Variants in CIMIP5 observed in about 807,000 individuals in gnomAD.
CIMIP5 encodes ciliary microtubule inner protein 5.
chr2:11,149,591 C>T, the CIMIP5 span, among the ~76,000 whole-genome samples: 2 of 152,050 alleles, frequency 1.3e-5, no homozygotes, highest in Non-Finnish European at 2.9e-5. Flanking sequence ...CCTATAGTCC[C>T]AGCTACTTGG....
the CIMIP5 span, among the ~76,000 whole-genome samples, chr2:11,139,109 G>C: frequency 3.9e-5 from 6 of 151,928 alleles, no homozygotes; most frequent in African/African-American, 1.5e-4. Context: ...GTGGAGACAG[G>C]GTTTCACCAT....
chr2:11,136,716 A>AAGTCATT, the CIMIP5 span, among the ~76,000 whole-genome samples: 2 of 152,214 alleles, frequency 1.3e-5, no homozygotes, highest in Non-Finnish European at 2.9e-5. Context: ...AATATATTAA[A>AAGTCATT]AGTCATTTAA....
the CIMIP5 span, among the ~76,000 whole-genome samples, chr2:11,139,382 G>A: frequency 6.6e-6 from 1 of 152,212 alleles, no homozygotes; most frequent in African/African-American, 2.4e-5. Context: ...GGGCTCAGGG[G>A]CTGTGAGGAT....
chr2:11,143,579 A>G, the CIMIP5 span, among the ~76,000 whole-genome samples: 1 of 152,120 alleles, frequency 6.6e-6, no homozygotes, highest in African/African-American at 2.4e-5. Flanking sequence ...AAAAAAAAAA[A>G]AAAAAATCAA....
the CIMIP5 span, among the ~76,000 whole-genome samples, chr2:11,143,105 C>A: frequency 1.3e-5 from 2 of 152,106 alleles, no homozygotes; most frequent in African/African-American, 4.8e-5. Flanking sequence ...ATAAAAGCCC[C>A]AAACTAGAAT....
the CIMIP5 span, among the ~76,000 whole-genome samples, chr2:11,150,085 T>TA: frequency 2.0e-5 from 3 of 150,528 alleles, no homozygotes; most frequent in Non-Finnish European, 4.4e-5. Flanking sequence ...TAGCTGGGAT[T>TA]ACGGGTGCGT....
chr2:11,133,844 GA>G, the CIMIP5 span, among the ~76,000 whole-genome samples: 7 of 152,292 alleles, frequency 4.6e-5, no homozygotes, highest in African/African-American at 1.4e-4. Context: ...TTCCGACTGC[GA>G]CGCGGCCGGT....
the CIMIP5 span, chr2:11,133,208 C>A: frequency 5.4e-5 from 65 of 1,201,764 alleles, no homozygotes; most frequent in Admixed American, 1.0e-4. Context: ...TGAGGAGGAC[C>A]CTGCCCAGGC....
At chr2:11,154,106 A>G in the CIMIP5 span, among the ~76,000 whole-genome samples, 1 of 152,038 alleles carries the variant, frequency 6.6e-6, no homozygotes, top group East Asian at 1.9e-4. Context: ...CCTCCCGAGT[A>G]GCTGGGACCA....
the CIMIP5 span, among the ~76,000 whole-genome samples, chr2:11,151,476 C>T: frequency 6.6e-6 from 1 of 152,220 alleles, no homozygotes. Flanking sequence ...ACCTAAAGGG[C>T]TCACCTTGCC....
chr2:11,144,896 C>G, the CIMIP5 span: 1 of 151,840 alleles, frequency 6.6e-6, no homozygotes, highest in African/African-American at 2.4e-5. Flanking sequence ...ATCATTGTAG[C>G]CTTGAACTCC....
chr2:11,149,869 C>T, the CIMIP5 span, among the ~76,000 whole-genome samples: 1 of 152,162 alleles, frequency 6.6e-6, no homozygotes, highest in Non-Finnish European at 1.5e-5. Flanking sequence ...TAAATGTTAG[C>T]TAACACCATT....
the CIMIP5 span, chr2:11,143,934 G>C: frequency 6.3e-7 from 1 of 1,592,906 alleles, no homozygotes; most frequent in Admixed American, 1.7e-5. Flanking sequence ...ACAAGAAGGA[G>C]CCTGAGAAGT....
chr2:11,150,087 C>T, the CIMIP5 span, among the ~76,000 whole-genome samples: 6 of 152,120 alleles, frequency 3.9e-5, no homozygotes, highest in East Asian at 1.9e-4. Flanking sequence ...GCTGGGATTA[C>T]GGGTGCGTGC....
At chr2:11,144,561 A>G in the CIMIP5 span, 3 of 153,580 alleles carry the variant, frequency 2.0e-5, no homozygotes, top group Admixed American at 1.3e-4. Flanking sequence ...GCTTAAAACA[A>G]CACAAACGTA....
At chr2:11,135,271 C>T in the CIMIP5 span, among the ~76,000 whole-genome samples, 1 of 152,130 alleles carries the variant, frequency 6.6e-6, no homozygotes, top group African/African-American at 2.4e-5. Context: ...TTTGAGGAAC[C>T]TCCATTGTCT....
chr2:11,144,237 G>A, the CIMIP5 span: 1 of 732,702 alleles, frequency 1.4e-6, no homozygotes, highest in South Asian at 3.1e-5. Flanking sequence ...GTAAGCTGCA[G>A]GACACTCTTC....
chr2:11,134,912 G>T, the CIMIP5 span, among the ~76,000 whole-genome samples: 42 of 152,182 alleles, frequency 2.8e-4, no homozygotes, highest in African/African-American at 9.6e-4. Context: ...CATAGTCCTG[G>T]AATCCACTTG....
the CIMIP5 span, chr2:11,144,935 C>T: frequency 2.0e-5 from 3 of 152,298 alleles, no homozygotes; most frequent in African/African-American, 7.2e-5. Flanking sequence ...CCACCTCAGC[C>T]TCCCAAGTAG....
Sources: allele counts gnomAD v4.1 joint callset (sites outside exome capture counted in the v4.1 genomes callset), GRCh38; gene constraint gnomAD v4.1.1; transcripts MANE v1.5; gene names NCBI Gene and HGNC (gene_info 2026-07-23, HGNC 2026-07-21).